LUZP2: variants seen among roughly 807,000 people sequenced by gnomAD.
The protein encoded by LUZP2 is leucine zipper protein 2.
Under a neutral mutation model 51.6 loss-of-function variants are expected in LUZP2, and 52 were observed. That is an observed-to-expected ratio of 1.01 (90% CI 0.81 to 1.27). The LOEUF (loss-of-function observed/expected upper bound fraction) is 1.27. Among genes scored for constraint, LUZP2 ranks in the 50% most tolerant of loss-of-function variants. LUZP2 has a pLI of 0.00. For synonymous variants in LUZP2, 154 were observed against 137.3 expected, an observed-to-expected ratio of 1.12 and a Z score of -0.85; for missense variants, 436 against 395.4, an observed-to-expected ratio of 1.10 and a Z score of -0.87.
chr11:24,647,230 G>A (rs984164445), intron 1 of LUZP2, among the ~76,000 whole-genome samples: 5 of 151,786 alleles, frequency 3.3e-5, no homozygotes, highest in African/African-American at 1.2e-4. Flanking sequence ...AATTAATTTA[G>A]CACCTACTTA....
chr11:24,602,142 GTA>G (rs1491145712), intron 1 of LUZP2, among the ~76,000 whole-genome samples: 1 of 83,928 alleles, frequency 1.2e-5, no homozygotes, highest in African/African-American at 4.9e-5. Context: ...GTGTATATAT[GTA>G]TATATGTATA....
chr11:24,951,462 C>T (rs924878417), intron 7 of LUZP2, among the ~76,000 whole-genome samples: 106 of 151,334 alleles, frequency 7.0e-4, no homozygotes, highest in African/African-American at 2.4e-3. Context: ...TTATATTTTA[C>T]GATTATTTTT....
At chr11:24,711,172 T>G (rs187251951) in intron 1 of LUZP2, among the ~76,000 whole-genome samples, 41 of 152,274 alleles carry the variant, frequency 2.7e-4, no homozygotes, top group African/African-American at 7.9e-4. Flanking sequence ...TTTCTGGGCC[T>G]GGCGCGGTGG....
Position 24,841,935 on chromosome 11 carries a change from G to A in LUZP2, c.397-64056G>A, listed in dbSNP as rs138199692. On this transcript the variant is annotated intron_variant, in intron 5 of 11. Coordinates refer to ENST00000336930, the MANE Select transcript of LUZP2 (RefSeq NM_001009909.4). Reference sequence around the variant, plus strand: ...AAAATGTCTCCCCTAAGATTTTGTAGCATATAAATATTAGCATAGTATGAG... The same window carrying A: ...AAAATGTCTCCCCTAAGATTTTGTAACATATAAATATTAGCATAGTATGAG... Among the ~76,000 whole-genome samples, 999 of 152,076 alleles carry A rather than the reference G, an allele frequency of 6.6e-3. 3 individuals carry two copies. Among genetic ancestry groups the A allele is most frequent in the Middle Eastern group, 0.017 (5 of 292 alleles).
At chr11:24,602,468 G>C (rs1853770002) in intron 1 of LUZP2, among the ~76,000 whole-genome samples, 1 of 148,994 alleles carries the variant, frequency 6.7e-6, no homozygotes, top group African/African-American at 2.5e-5. Context: ...GGGCACATGT[G>C]ATCTTTAATA....
chr11:24,652,086 CAT>C (rs1216087723), intron 1 of LUZP2, among the ~76,000 whole-genome samples: 1 of 135,014 alleles, frequency 7.4e-6, no homozygotes, highest in East Asian at 2.2e-4. Flanking sequence ...TGTGTGTACA[CAT>C]GTTGTGCATG....
chr11:24,517,325 C>A (rs925784424), intron 1 of LUZP2, among the ~76,000 whole-genome samples: 7 of 150,954 alleles, frequency 4.6e-5, no homozygotes, highest in East Asian at 3.9e-4. Flanking sequence ...CTCTACTAAA[C>A]ATACAAAAAG....
At chr11:24,968,442 G>A (rs1223465441) in intron 7 of LUZP2, among the ~76,000 whole-genome samples, 2 of 152,106 alleles carry the variant, frequency 1.3e-5, no homozygotes, top group Non-Finnish European at 2.9e-5. Context: ...TTAGTGCTTA[G>A]CTATTAATCT....
intron 5 of LUZP2, among the ~76,000 whole-genome samples, chr11:24,851,517 G>T: frequency 6.6e-6 from 1 of 152,158 alleles, no homozygotes; most frequent in Non-Finnish European, 1.5e-5. Context: ...GTATTTTATT[G>T]AGGATTTTCA....
chr11:25,024,767 A>T (rs1402455404), intron 9 of LUZP2, among the ~76,000 whole-genome samples: 1 of 150,416 alleles, frequency 6.6e-6, no homozygotes, highest in Non-Finnish European at 1.5e-5. Context: ...GCTACCAATG[A>T]CTTTCTTCAC....
chr11:24,693,485 C>T (rs1199592920), intron 1 of LUZP2, among the ~76,000 whole-genome samples: 2 of 151,440 alleles, frequency 1.3e-5, no homozygotes, highest in African/African-American at 4.8e-5. Context: ...ATGATTATTC[C>T]TACAAATAAA....
Position 24,695,264 on chromosome 11 carries a change from A to G in LUZP2, c.63-33905A>G, listed in dbSNP as rs193255511. Among the ~76,000 whole-genome samples the G allele has an allele frequency of 2.7e-3, 415 of 152,208 alleles. 1 individual carries two copies. Among genetic ancestry groups the G allele is most frequent in the Non-Finnish European group, 3.5e-3 (237 of 67,974 alleles). ...ATACATTCTCACATGAAATAATACC[A>G]AAGACATGTGGGTAAGTGACTAAAG... On this transcript the variant is annotated intron_variant, in intron 1 of 11. Transcript: ENST00000336930.
At chr11:24,635,048 G>A (rs1186918178) in intron 1 of LUZP2, among the ~76,000 whole-genome samples, 2 of 152,008 alleles carry the variant, frequency 1.3e-5, no homozygotes, top group African/African-American at 4.8e-5. Flanking sequence ...AGCGTGGGAT[G>A]GGGGTGAGGG....
chr11:24,926,340 C>CGTGTGTATATATATACGT (rs1854246130), intron 7 of LUZP2, among the ~76,000 whole-genome samples: 5 of 40,974 alleles, frequency 1.2e-4, no homozygotes, highest in Non-Finnish European at 1.8e-4. Context: ...TATATATATA[C>CGTGTGTATATATATACGT]GTGTGTATAT....
chr11:24,750,458 G>T (rs549146266), intron 4 of LUZP2, among the ~76,000 whole-genome samples: 1 of 152,220 alleles, frequency 6.6e-6, no homozygotes, highest in Non-Finnish European at 1.5e-5. Context: ...TTTGACCATA[G>T]TATATCTTCA....
chr11:24,992,912 CT>C (rs1290805449), intron 9 of LUZP2, among the ~76,000 whole-genome samples: 11 of 152,030 alleles, frequency 7.2e-5, no homozygotes, highest in African/African-American at 2.7e-4. Flanking sequence ...CTTCTTGTTC[CT>C]TTATCCAGAA....
chr11:24,605,169 A>G (rs1853874198), intron 1 of LUZP2, among the ~76,000 whole-genome samples: 1 of 151,832 alleles, frequency 6.6e-6, no homozygotes, highest in Non-Finnish European at 1.5e-5. Flanking sequence ...CTTTGAAATT[A>G]TATTTCACAG....
At chr11:24,883,012 G>A (rs1181295315) in intron 5 of LUZP2, among the ~76,000 whole-genome samples, 4 of 151,312 alleles carry the variant, frequency 2.6e-5, no homozygotes, top group African/African-American at 7.3e-5. Flanking sequence ...AAAGAAAAGA[G>A]AAAAAAAGAA....
chr11:25,008,358 T>C (rs1856892140), intron 9 of LUZP2, among the ~76,000 whole-genome samples: 1 of 152,204 alleles, frequency 6.6e-6, no homozygotes, highest in Non-Finnish European at 1.5e-5. Context: ...CTGCTTTTGC[T>C]TGGGCAGTCC....
Sources: gnomAD v4.1 joint callset for allele counts (sites outside exome capture counted in the v4.1 genomes callset) on GRCh38, gnomAD v4.1.1 for gene constraint, MANE v1.5 for transcripts, NCBI Gene and HGNC (gene_info 2026-07-23, HGNC 2026-07-21) for gene names.